The following ECPAS variants were observed in gnomAD, a reference collection of about 807,000 sequenced individuals.
The protein encoded by ECPAS is proteasome adapter and scaffold protein ECM29.
A neutral mutation model predicts 255.1 loss-of-function variants in ECPAS; 70 were observed. The observed-to-expected ratio is 0.27, with a 90% CI of 0.23 to 0.33. The LOEUF is 0.33. Ranked by LOEUF, ECPAS falls within the 10% of genes least tolerant of loss-of-function variation. The probability of loss-of-function intolerance (pLI) is 1.00; values close to 1 mark genes in which losing one functional copy is unlikely to be tolerated. For synonymous variants in ECPAS, 784 were observed against 775.0 expected, an observed-to-expected ratio of 1.01 and a Z score of -0.19; for missense variants, 1,817 against 2,206.4, an observed-to-expected ratio of 0.82 and a Z score of 3.54.
intron 24 of ECPAS, among the ~76,000 whole-genome samples, chr9:111,400,454 T>A (rs1244022324): frequency 6.6e-6 from 1 of 152,204 alleles, no homozygotes; most frequent in Non-Finnish European, 1.5e-5. Flanking sequence ...CAGTGACCAA[T>A]CCTGGAGTGG....
intron 1 of ECPAS, among the ~76,000 whole-genome samples, chr9:111,475,396 T>C (rs986472315): frequency 6.6e-6 from 1 of 152,234 alleles, no homozygotes; most frequent in Non-Finnish European, 1.5e-5. Context: ...TCACTGACAA[T>C]GGCCTTGATC....
chr9:111,430,562 T>C lies in ECPAS; in HGVS notation c.915A>G (p.Pro305=), dbSNP rs2098228325. ...AACAACCTACCTCTTTTGTCTTCAG[T>C]GGTATATCTCCAAGGTACACCTTGT... ...KMYKVYLGDI[P]LKTKEGAVLK... is the part of the protein sequence containing the mutation. The change falls in exon 9 of 50, where the codon CCA becomes CCG. Residue 305 remains proline, a synonymous_variant. Transcript: ENST00000684092. 2 of 1,591,952 alleles carry C rather than the reference T, an allele frequency of 1.3e-6. No homozygotes were observed. Among genetic ancestry groups the C allele is most frequent in the Non-Finnish European group, 1.7e-6 (2 of 1,164,756 alleles).
At chr9:111,480,523 C>T (rs2098303186) in intron 1 of ECPAS, among the ~76,000 whole-genome samples, 1 of 152,030 alleles carries the variant, frequency 6.6e-6, no homozygotes, top group Non-Finnish European at 1.5e-5. Context: ...GTCTTGAACT[C>T]CTGACCTCAG....
intron 1 of ECPAS, among the ~76,000 whole-genome samples, chr9:111,476,342 A>G (rs2098296230): frequency 6.6e-6 from 1 of 152,218 alleles, no homozygotes; most frequent in Non-Finnish European, 1.5e-5. Flanking sequence ...ACTTTTCCAT[A>G]AAGTGGCAGA....
Position 111,378,660 on chromosome 9 carries a change from G to A in ECPAS, c.3874C>T (p.Pro1292Ser). ...MLKPHAPKLI[P>S]ALLESLSVLE... ...ACACTTAAGGACTCTAGCAGAGCTG[G>A]AATGAGTTTTGGTGCATGCGGTTTC... The change falls in exon 36 of 50, where the codon CCA becomes TCA. Residue 1292 changes from proline (P) to serine (S), a missense_variant. Transcript: ENST00000684092. The A allele has an allele frequency of 6.2e-7, 1 of 1,613,876 alleles. No homozygotes were observed. The highest frequency in any genetic ancestry group is 8.5e-7 in the Non-Finnish European group (1 of 1,179,778).
At chr9:111,480,282 A>G (rs1284960863) in intron 1 of ECPAS, among the ~76,000 whole-genome samples, 1 of 147,648 alleles carries the variant, frequency 6.8e-6, no homozygotes, top group Non-Finnish European at 1.5e-5. Flanking sequence ...AATTCTTAAA[A>G]GCACCTTTTC....
At position 111,391,747 on chromosome 9, in the gene ECPAS, C is replaced by T; in HGVS notation, c.3161+9G>A. 1.3e-6 allele frequency: 2 copies of T among 1,551,768 alleles called. 1 individual carries two copies. Among genetic ancestry groups the T allele is most frequent in the South Asian group, 2.3e-5 (2 of 88,254 alleles). ...GATGTTTACCATTCAATGGATTTAG[C>T]ATACTTACCCATCTGGTGTTTTGCC... On this transcript the variant is annotated intron_variant, in intron 29 of 49. Transcript: ENST00000684092.
intron 2 of ECPAS, among the ~76,000 whole-genome samples, chr9:111,469,674 T>C (rs2098284282): frequency 6.6e-6 from 1 of 151,680 alleles, no homozygotes; most frequent in Non-Finnish European, 1.5e-5. Context: ...CTAGGCATGG[T>C]GGCGGGCGCC....
intron 23 of ECPAS, 104 bp from the exon 24 acceptor site, chr9:111,408,776 C>G: frequency 1.8e-6 from 1 of 570,408 alleles, no homozygotes; most frequent in East Asian, 3.2e-5. Context: ...GTCTATCTAA[C>G]ACATCAACGC....
intron 23 of ECPAS, among the ~76,000 whole-genome samples, chr9:111,409,371 C>T (rs527506523): frequency 2.0e-5 from 3 of 152,140 alleles, no homozygotes; most frequent in African/African-American, 7.2e-5. Flanking sequence ...ACCAGCCTGG[C>T]CAACATGGTG....
At chr9:111,483,449 G>A in intron 1 of ECPAS, 1 of 937,122 alleles carries the variant, frequency 1.1e-6, no homozygotes, top group Non-Finnish European at 1.3e-6. Flanking sequence ...CCGGCCCCCG[G>A]CACCGCGCGG....
intron 1 of ECPAS, among the ~76,000 whole-genome samples, chr9:111,477,320 CA>C (rs1339566687): frequency 2.0e-5 from 3 of 151,992 alleles, no homozygotes; most frequent in Non-Finnish European, 2.9e-5. Context: ...TCATGTTGGC[CA>C]GGCTGGTCTT....
Position 111,451,486 on chromosome 9 carries a change from G to C in ECPAS, c.92C>G (p.Ser31Cys). 1 of 1,573,840 alleles carries C rather than the reference G, an allele frequency of 6.4e-7. No individual in the cohort carries two copies. The highest frequency in any genetic ancestry group is 1.2e-5 in the South Asian group (1 of 85,354). The stretch of plus-strand genomic sequence containing the variant: ...GAGCAAAACAGGAGGAAGGAATTTA[G>C]ATATAATATTCTGTAATTGTTCATC... ...ETDEQLQNII[S>C]KFLPPVLLKL... The change falls in exon 3 of 50, where the codon TCT becomes TGT. Residue 31 changes from serine (S) to cysteine (C), a missense_variant. Physicochemically the swap from Ser to Cys is moderately radical, Grantham distance 112 (BLOSUM62 -1). Around this residue, in one of 4 missense-constraint regions of ECPAS, gnomAD observed 90 missense variants for 158.5 expected, o/e 0.57. Transcript: ENST00000684092.
chr9:111,438,467 G>C (rs1349767115), intron 6 of ECPAS, among the ~76,000 whole-genome samples: 1 of 152,112 alleles, frequency 6.6e-6, no homozygotes, highest in Non-Finnish European at 1.5e-5. Context: ...AATTAGCTGG[G>C]TGTGGTGGTG....
intron 1 of ECPAS, among the ~76,000 whole-genome samples, chr9:111,482,594 T>C (rs2098307620): frequency 6.6e-6 from 1 of 151,540 alleles, no homozygotes; most frequent in African/African-American, 2.4e-5. Context: ...AAAACCCACA[T>C]CATCTTCAAA....
chr9:111,375,892 A>T (rs2098132880), intron 37 of ECPAS, among the ~76,000 whole-genome samples: 1 of 152,162 alleles, frequency 6.6e-6, no homozygotes, highest in African/African-American at 2.4e-5. Context: ...AAAGGTACAG[A>T]TCTGCTTAGC....
chr9:111,428,473 G>A (rs965924699), intron 9 of ECPAS, among the ~76,000 whole-genome samples: 3 of 152,122 alleles, frequency 2.0e-5, no homozygotes, highest in Admixed American at 6.6e-5. Flanking sequence ...AAATTGTACT[G>A]AGGGAGAAGC....
chr9:111,433,020 T>C (rs774080997), intron 8 of ECPAS, among the ~76,000 whole-genome samples: 1 of 137,868 alleles, frequency 7.3e-6, no homozygotes, highest in East Asian at 1.9e-4. Context: ...TCCTAACCTA[T>C]TGCAGCTATA....
At chr9:111,408,510 A>T in intron 24 of ECPAS, 61 bp downstream of exon 24, 1 of 1,111,120 alleles carries the variant, frequency 9.0e-7, no homozygotes, top group East Asian at 2.7e-5. Context: ...GCACCTAAAA[A>T]AAAAAAAAAG....
Sources: gnomAD v4.1 joint callset for allele counts (sites outside exome capture counted in the v4.1 genomes callset) on GRCh38, gnomAD v4.1.1 for gene constraint, gnomAD v4.1.1 regional missense constraint, MANE v1.5 for transcripts, NCBI Gene and HGNC (gene_info 2026-07-23, HGNC 2026-07-21) for gene names.